WIF1: variants seen among roughly 807,000 people sequenced by gnomAD.
WIF1 encodes Wnt inhibitory factor 1.
Under a neutral mutation model 53.5 loss-of-function variants are expected in WIF1, and 35 were observed. The ratio of observed to expected loss-of-function variants is 0.65; its 90% CI spans 0.50 to 0.87. WIF1 has a LOEUF of 0.87. Ranked by LOEUF, WIF1 falls within the 40% of genes least tolerant of loss-of-function variation. The probability of loss-of-function intolerance (pLI) is 0.00; values close to 1 mark genes in which losing one functional copy is unlikely to be tolerated. For synonymous variants in WIF1, 171 were observed against 170.4 expected, an observed-to-expected ratio of 1.00 and a Z score of -0.03; for missense variants, 467 against 476.8, an observed-to-expected ratio of 0.98 and a Z score of 0.19.
Position 65,121,246 on chromosome 12 carries a change from C to A in WIF1, c.-55G>T, listed in dbSNP as rs552708809. 100 of 1,384,048 alleles carry A rather than the reference C, an allele frequency of 7.2e-5. No homozygotes were observed. The highest frequency in any genetic ancestry group is 1.8e-4 in the South Asian group (11 of 61,478). The allele number at this position is 1,384,048 out of a possible 1,614,324, so 85.7% of individuals were successfully genotyped here. A position where few individuals can be genotyped will look rare whatever the true frequency, so the allele number is the denominator to read the frequency against. On this transcript the variant is annotated 5_prime_UTR_variant, in exon 1 of 10. Coordinates refer to ENST00000286574, the MANE Select transcript of WIF1 (RefSeq NM_007191.5). The stretch of plus-strand genomic sequence containing the variant: ...AACTCCTCGTGCCGCACCTACGCAA[C>A]CTGGCGCCGTCAGATACTCTGCTGC...
chr12:65,069,173 G>C (rs2289935), intron 3 of WIF1, among the ~76,000 whole-genome samples: 12,739 of 152,158 alleles, frequency 0.084, 613 homozygotes, highest in East Asian at 0.18. Context: ...GTCTGGACTT[G>C]TACTATCTTA....
intron 2 of WIF1, among the ~76,000 whole-genome samples, chr12:65,081,871 AAAG>A (rs1182734606): frequency 1.3e-5 from 2 of 152,072 alleles, no homozygotes; most frequent in African/African-American, 4.8e-5. Context: ...AAAAAAAAGA[AAAG>A]AAAAAAGAAA....
At chr12:65,067,620 C>G in intron 5 of WIF1, 75 bp downstream of exon 5, 1 of 1,430,988 alleles carries the variant, frequency 7.0e-7, no homozygotes, top group Non-Finnish European at 9.8e-7. Context: ...TAAAAATACA[C>G]AATACACATG....
intron 3 of WIF1, among the ~76,000 whole-genome samples, chr12:65,070,854 T>C (rs947896994): frequency 8.5e-5 from 13 of 152,264 alleles, no homozygotes; most frequent in African/African-American, 3.1e-4. Context: ...AAAATGTATC[T>C]TGGATGTTAA....
intron 2 of WIF1, among the ~76,000 whole-genome samples, chr12:65,092,437 T>TATATATATATGTATATATATAC (rs1491112464): frequency 2.1e-5 from 3 of 141,534 alleles, no homozygotes; most frequent in Non-Finnish European, 4.4e-5. Flanking sequence ...TATATATGTG[T>TATATATATATGTATATATATAC]ATATATATAT....
chr12:65,105,789 C>A (rs1883343527), intron 2 of WIF1, among the ~76,000 whole-genome samples: 1 of 152,172 alleles, frequency 6.6e-6, no homozygotes, highest in South Asian at 2.1e-4. Context: ...GGCCCCACCT[C>A]CCAACACCGC....
intron 2 of WIF1, among the ~76,000 whole-genome samples, chr12:65,106,890 G>A (rs994895771): frequency 6.6e-6 from 1 of 152,186 alleles, no homozygotes; most frequent in East Asian, 1.9e-4. Flanking sequence ...CGAAATTTGA[G>A]CAATTACTTA....
intron 3 of WIF1, among the ~76,000 whole-genome samples, chr12:65,072,883 A>G (rs1021969206): frequency 2.0e-5 from 3 of 152,204 alleles, no homozygotes; most frequent in African/African-American, 7.2e-5. Flanking sequence ...GCAGAATAGG[A>G]TGTATAATCT....
chr12:65,096,761 AG>A lies in WIF1; in HGVS notation c.289-18908del, dbSNP rs941137363. 3.3e-4 allele frequency among the ~76,000 whole-genome samples: 51 copies of A among 152,308 alleles called. 1 individual carries two copies. Among genetic ancestry groups the A allele is most frequent in the Non-Finnish European group, 5.3e-4 (36 of 68,024 alleles). On this transcript the variant is annotated intron_variant, in intron 2 of 9. Transcript: ENST00000286574. ...GCCATCATTCTTAGCAAACTAACAC[AG>A]GAACAGAAACTCAAACACCACATGT...
At chr12:65,104,138 C>G (rs962376057) in intron 2 of WIF1, among the ~76,000 whole-genome samples, 1 of 152,136 alleles carries the variant, frequency 6.6e-6, no homozygotes, top group African/African-American at 2.4e-5. Flanking sequence ...ACGTAAATTA[C>G]CTTAGAAGAG....
intron 2 of WIF1, among the ~76,000 whole-genome samples, chr12:65,115,961 C>A (rs1353666597): frequency 6.6e-6 from 1 of 151,982 alleles, no homozygotes; most frequent in African/African-American, 2.4e-5. Context: ...AAAATGATAC[C>A]AGATAATAAA....
At position 65,099,222 on chromosome 12, in the gene WIF1, C is replaced by T. The variant is rs189442647; in HGVS notation, c.288+21195G>A. On this transcript the variant is annotated intron_variant, in intron 2 of 9. Transcript: ENST00000286574. ...AATCTCTTTGGAGACATATCTTTGC[C>T]TTTATCAATTCCTGATGTTTTCAAA... Among the ~76,000 whole-genome samples the T allele has an allele frequency of 6.7e-3, 1,021 of 152,224 alleles. 13 individuals are homozygous for T. Among genetic ancestry groups the T allele is most frequent in the South Asian group, 0.03 (145 of 4,822 alleles).
intron 2 of WIF1, among the ~76,000 whole-genome samples, chr12:65,094,089 G>T (rs1302346405): frequency 6.6e-6 from 1 of 152,080 alleles, no homozygotes; most frequent in Non-Finnish European, 1.5e-5. Flanking sequence ...AAACATAGCC[G>T]CTGAACTTTC....
chr12:65,106,126 G>A lies in WIF1; in HGVS notation c.288+14291C>T, dbSNP rs958317359. ...TGTGGAACTCTTCCAAGGACTCACA[G>A]AATTAGCTGGTCTTTGCAAGGGAAA... On this transcript the variant is annotated intron_variant, in intron 2 of 9. Coordinates refer to ENST00000286574, the MANE Select transcript of WIF1 (RefSeq NM_007191.5). 8.5e-5 allele frequency among the ~76,000 whole-genome samples: 13 copies of A among 152,268 alleles called. No homozygotes were observed. The South Asian group carries it at 1.0e-3, about 12-fold the overall frequency.
At chr12:65,072,547 A>G (rs950258761) in intron 3 of WIF1, among the ~76,000 whole-genome samples, 1 of 152,196 alleles carries the variant, frequency 6.6e-6, no homozygotes, top group African/African-American at 2.4e-5. Context: ...CAGATGTGAT[A>G]TATGTTATGG....
At chr12:65,120,239 T>A (rs1269200112) in intron 2 of WIF1, among the ~76,000 whole-genome samples, 178 bp downstream of exon 2, 1 of 152,232 alleles carries the variant, frequency 6.6e-6, no homozygotes, top group Non-Finnish European at 1.5e-5. Flanking sequence ...CTTTTGAAGA[T>A]CATTAATTGA....
chr12:65,102,337 C>T (rs1257673986), intron 2 of WIF1, among the ~76,000 whole-genome samples: 1 of 152,052 alleles, frequency 6.6e-6, no homozygotes, highest in Admixed American at 6.6e-5. Flanking sequence ...AGCTGGAGTC[C>T]CAGGAAAGCC....
rs201659899 is a variant in WIF1, at chr12:65,068,860, C to G, written c.442G>C (p.Ala148Pro). 7 of 1,613,580 alleles carry G rather than the reference C, an allele frequency of 4.3e-6. No homozygotes were observed. In the African/African-American group the frequency reaches 8.0e-5, roughly 18 times the overall value. ...ACAATCACATCCACTTCAAATGCTG[C>G]CACCCCATCCTGTTTTCCAAGACAT... ...FPCLGKQDGV[A>P]AFEVDVIVMN... The change falls in exon 4 of 10, where the codon GCA becomes CCA. Residue 148 changes from alanine (A) to proline (P), a missense_variant. Coordinates refer to ENST00000286574, the MANE Select transcript of WIF1 (RefSeq NM_007191.5).
chr12:65,070,803 A>G (rs982310615), intron 3 of WIF1, among the ~76,000 whole-genome samples: 2 of 152,174 alleles, frequency 1.3e-5, no homozygotes, highest in African/African-American at 2.4e-5. Context: ...GCCTATCAGT[A>G]AACTCATCTT....
Sources: allele counts gnomAD v4.1 joint callset (sites outside exome capture counted in the v4.1 genomes callset), GRCh38; gene constraint gnomAD v4.1.1; transcripts MANE v1.5; gene names NCBI Gene and HGNC (gene_info 2026-07-23, HGNC 2026-07-21).